ZNF521: variants seen among roughly 807,000 people sequenced by gnomAD.
ZNF521 encodes zinc finger protein 521, also known as LYST-interacting protein 3.
ZNF521 carries 14 observed loss-of-function variants against 105.5 expected under a neutral mutation model. The observed-to-expected ratio is 0.13, with a 90% CI of 0.09 to 0.21. The LOEUF (loss-of-function observed/expected upper bound fraction) is 0.21. Among genes scored for constraint, ZNF521 ranks in the 10% least tolerant of loss-of-function variants. The probability of loss-of-function intolerance (pLI) is 1.00; values close to 1 mark genes in which losing one functional copy is unlikely to be tolerated. For synonymous variants in ZNF521, 635 were observed against 606.0 expected (o/e 1.05, Z -0.70); for missense variants, 1,233 against 1,629.7 (o/e 0.76, Z 4.19).
intron 7 of ZNF521, among the ~76,000 whole-genome samples, chr18:25,076,869 G>A (rs1187189671): frequency 1.3e-5 from 2 of 152,244 alleles, no homozygotes; most frequent in African/African-American, 4.8e-5. Context: ...GCCTGGGATG[G>A]AAGGCTGGGA....
At chr18:25,098,367 A>G (rs113178290) in intron 5 of ZNF521, among the ~76,000 whole-genome samples, 52 of 152,112 alleles carry the variant, frequency 3.4e-4, no homozygotes, top group African/African-American at 1.2e-3. Flanking sequence ...GAATCTAAAC[A>G]TGGACCCCAT....
intron 5 of ZNF521, among the ~76,000 whole-genome samples, chr18:25,175,786 C>T (rs572775220): frequency 6.6e-6 from 1 of 152,294 alleles, no homozygotes; most frequent in South Asian, 2.1e-4. Context: ...CTTGGATCAA[C>T]GGTTTTGCTA....
At chr18:25,282,753 C>T (rs1158031294) in intron 3 of ZNF521, among the ~76,000 whole-genome samples, 2 of 151,908 alleles carry the variant, frequency 1.3e-5, no homozygotes, top group Non-Finnish European at 2.9e-5. Flanking sequence ...AATCCTACTG[C>T]TTTTTTTTCC....
intron 5 of ZNF521, among the ~76,000 whole-genome samples, chr18:25,135,279 CGT>C (rs35980671): frequency 0.097 from 14,131 of 146,006 alleles, 676 homozygotes; most frequent in Middle Eastern, 0.14. Context: ...TATATGTATA[CGT>C]GTGTGTGTGT....
At chr18:25,215,212 T>C (rs999686564) in intron 4 of ZNF521, among the ~76,000 whole-genome samples, 4 of 152,112 alleles carry the variant, frequency 2.6e-5, no homozygotes, top group Non-Finnish European at 5.9e-5. Context: ...TTTAGAAACA[T>C]GCACATTTAA....
chr18:25,206,153 G>A lies in ZNF521; in HGVS notation c.3574-10909C>T, dbSNP rs546904912. Among the ~76,000 whole-genome samples the A allele has an allele frequency of 2.0e-5, 3 of 152,194 alleles. No individual in the cohort carries two copies. The East Asian group carries it at 5.8e-4, about 30-fold the overall frequency. ...CGAGTAGCTAAGACTACAGGCATGA[G>A]CTACCTCGCCCAGCTAATTTTTTTT... On this transcript the variant is annotated intron_variant, in intron 4 of 7. Transcript: ENST00000361524.
chr18:25,079,116 T>G (rs1467179145), intron 7 of ZNF521, among the ~76,000 whole-genome samples: 1 of 152,236 alleles, frequency 6.6e-6, no homozygotes, highest in East Asian at 1.9e-4. Flanking sequence ...CAATTAGTTC[T>G]GGTCCTCAGA....
At chr18:25,292,642 C>A (rs1467823106) in intron 3 of ZNF521, among the ~76,000 whole-genome samples, 1 of 152,180 alleles carries the variant, frequency 6.6e-6, no homozygotes, top group South Asian at 2.1e-4. Context: ...TAGTGGAAAG[C>A]AAAACGTTAT....
chr18:25,080,654 C>G (rs1019205784), intron 7 of ZNF521, among the ~76,000 whole-genome samples: 18 of 152,210 alleles, frequency 1.2e-4, no homozygotes, highest in Admixed American at 1.2e-3. Flanking sequence ...CAGGAAGACG[C>G]TGGAATGGAT....
chr18:25,324,212 G>T (rs555462261), intron 2 of ZNF521, among the ~76,000 whole-genome samples: 2 of 151,936 alleles, frequency 1.3e-5, no homozygotes, highest in East Asian at 3.9e-4. Flanking sequence ...GGTGAGAAAC[G>T]GAAGGAGAAA....
chr18:25,327,546 T>A (rs1568080706), intron 2 of ZNF521: 2 of 693,788 alleles, frequency 2.9e-6, no homozygotes, highest in Non-Finnish European at 4.5e-6. Flanking sequence ...TGATTTATGT[T>A]TATACTTTTT....
At chr18:25,232,873 T>G (rs1193735465) in intron 3 of ZNF521, among the ~76,000 whole-genome samples, 1 of 152,240 alleles carries the variant, frequency 6.6e-6, no homozygotes, top group African/African-American at 2.4e-5. Context: ...TCCCCCCACT[T>G]GCCTTACATA....
At chr18:25,290,405 A>G (rs551395560) in intron 3 of ZNF521, among the ~76,000 whole-genome samples, 2 of 152,228 alleles carry the variant, frequency 1.3e-5, no homozygotes, top group Middle Eastern at 3.4e-3. Context: ...AATTTCATCA[A>G]TCATTCCAAG....
At chr18:25,233,666 T>G (rs1039625537) in intron 3 of ZNF521, among the ~76,000 whole-genome samples, 1 of 150,788 alleles carries the variant, frequency 6.6e-6, no homozygotes, top group East Asian at 1.9e-4. Flanking sequence ...TCAGAGGTTT[T>G]TTTTTTTTTT....
intron 4 of ZNF521, among the ~76,000 whole-genome samples, chr18:25,222,081 T>C (rs957113827): frequency 6.6e-6 from 1 of 152,134 alleles, no homozygotes; most frequent in African/African-American, 2.4e-5. Context: ...TAAATCCTAA[T>C]ATCTCATCAA....
chr18:25,308,409 T>C (rs1475460923), intron 3 of ZNF521, among the ~76,000 whole-genome samples: 1 of 152,200 alleles, frequency 6.6e-6, no homozygotes, highest in Non-Finnish European at 1.5e-5. Context: ...ATAATTATTA[T>C]GCAACAATGA....
intron 2 of ZNF521, among the ~76,000 whole-genome samples, chr18:25,349,778 G>C (rs1914636096): frequency 1.3e-5 from 2 of 150,410 alleles, no homozygotes. Context: ...ACCTCGGCGG[G>C]ACCCAGCGGG....
At chr18:25,264,239 G>C (rs1372787457) in intron 3 of ZNF521, among the ~76,000 whole-genome samples, 1 of 152,138 alleles carries the variant, frequency 6.6e-6, no homozygotes, top group Non-Finnish European at 1.5e-5. Context: ...TTCATTCCTG[G>C]TATTTTTACT....
chr18:25,098,290 T>A (rs1185967816), intron 5 of ZNF521, among the ~76,000 whole-genome samples: 1 of 152,150 alleles, frequency 6.6e-6, no homozygotes, highest in East Asian at 1.9e-4. Context: ...GCACACAGAC[T>A]ACAATGTTTT....
Sources: gnomAD v4.1 joint callset for allele counts (sites outside exome capture counted in the v4.1 genomes callset) on GRCh38, gnomAD v4.1.1 for gene constraint, MANE v1.5 for transcripts, NCBI Gene and HGNC (gene_info 2026-07-23, HGNC 2026-07-21) for gene names.